Variants in ABCA8 observed in about 807,000 individuals in gnomAD.
ABCA8 encodes ATP binding cassette subfamily A member 8.
A neutral mutation model predicts 192.3 loss-of-function variants in ABCA8; 177 were observed. The ratio of observed to expected loss-of-function variants is 0.92; its 90% CI spans 0.81 to 1.04. The LOEUF (loss-of-function observed/expected upper bound fraction) is 1.04. Among genes scored for constraint, ABCA8 ranks in the 50% least tolerant of loss-of-function variants. ABCA8 has a pLI of 0.00. For missense variants in ABCA8, 1,915 were observed against 1,904.8 expected (o/e 1.01, Z -0.10); for synonymous variants, 642 against 690.2 (o/e 0.93, Z 1.09).
intron 11 of ABCA8, among the ~76,000 whole-genome samples, chr17:68,924,261 G>A (rs1459436523): frequency 2.6e-5 from 4 of 151,366 alleles, no homozygotes; most frequent in Non-Finnish European, 4.4e-5. Context: ...CAGGAGAATC[G>A]CTTGAACCTG....
At position 68,937,130 on chromosome 17, in the gene ABCA8, A is replaced by C. The variant is rs757308021; in HGVS notation, c.302-15T>G. 25 of 1,580,042 alleles carry C rather than the reference A, an allele frequency of 1.6e-5. No individual in the cohort carries two copies. The highest frequency in any genetic ancestry group is 1.9e-5 in the Non-Finnish European group (22 of 1,168,032). On this transcript the variant is annotated splice_polypyrimidine_tract_variant and intron_variant, in intron 4 of 39. Transcript: ENST00000586539. Reference sequence around the variant, plus strand: ...GACCTCTTTACCTTTTGTTACAAGAAGGAATATTATTGTTAGTAAATTACT... The same window carrying C: ...GACCTCTTTACCTTTTGTTACAAGACGGAATATTATTGTTAGTAAATTACT...
chr17:68,872,417 G>A (rs1168492399), intron 37 of ABCA8, among the ~76,000 whole-genome samples: 1 of 135,556 alleles, frequency 7.4e-6, no homozygotes, highest in Non-Finnish European at 1.6e-5. Context: ...ATCACACTCT[G>A]GGACTGTTGT....
intron 15 of ABCA8, 44 bp downstream of exon 15, chr17:68,918,383 A>AT: frequency 6.5e-7 from 1 of 1,539,428 alleles, no homozygotes; most frequent in Non-Finnish European, 8.7e-7. Flanking sequence ...CAAAAGTTCC[A>AT]TTTTTTAAAC....
At chr17:68,925,948 G>T (rs2067685816) in intron 10 of ABCA8, among the ~76,000 whole-genome samples, 1 of 152,086 alleles carries the variant, frequency 6.6e-6, no homozygotes, top group African/African-American at 2.4e-5. Flanking sequence ...TCACTTATTT[G>T]GATGAAATAA....
intron 14 of ABCA8, among the ~76,000 whole-genome samples, chr17:68,918,753 G>A (rs1220080361): frequency 6.6e-6 from 1 of 151,898 alleles, no homozygotes; most frequent in Admixed American, 6.6e-5. Context: ...CCAACATGGC[G>A]AAACCTTGTT....
intron 3 of ABCA8, among the ~76,000 whole-genome samples, chr17:68,941,391 G>A (rs2068226590): frequency 6.6e-6 from 1 of 152,082 alleles, no homozygotes; most frequent in African/African-American, 2.4e-5. Flanking sequence ...AGTTAAAAAT[G>A]CTACCTAGCT....
chr17:68,898,653 T>C (rs573800437), intron 21 of ABCA8, among the ~76,000 whole-genome samples: 1 of 152,208 alleles, frequency 6.6e-6, no homozygotes, highest in Non-Finnish European at 1.5e-5. Flanking sequence ...TGTTGAGGCG[T>C]AAAACATAGA....
At position 68,876,469 on chromosome 17, in the gene ABCA8, T is replaced by C; in HGVS notation, c.4361A>G (p.Gln1454Arg). 1 of 1,614,028 alleles carries C rather than the reference T, an allele frequency of 6.2e-7. No homozygotes were observed. The highest frequency in any genetic ancestry group is 8.5e-7 in the Non-Finnish European group (1 of 1,179,910). Residue 1454 changes from glutamine to arginine, a missense_variant, in exon 35 of 40, where the codon CAG (glutamine) becomes CGG (arginine). By Grantham distance (43) the Gln-to-Arg change is conservative (BLOSUM62 1). Coordinates refer to ENST00000586539, the MANE Select transcript of ABCA8 (RefSeq NM_001288985.2). ...TGGTAATGTTCCTCACCACATTTGCTGCTGCCCCTCGGGGTCCATCCCGGT... is the reference window on the plus strand; with the variant it reads ...TGGTAATGTTCCTCACCACATTTGCCGCTGCCCCTCGGGGTCCATCCCGGT... ...PSTGMDPEGQ[Q>R]QMWQAIRATF...
chr17:68,893,737 T>TTTTGG, intron 23 of ABCA8, among the ~76,000 whole-genome samples: 1 of 145,060 alleles, frequency 6.9e-6, no homozygotes, highest in Admixed American at 6.9e-5. Flanking sequence ...TTTTTTTTCC[T>TTTTGG]TTTCTTTTTT....
At chr17:68,949,900 C>T (rs538038738) in intron 1 of ABCA8, among the ~76,000 whole-genome samples, 1 of 152,302 alleles carries the variant, frequency 6.6e-6, no homozygotes, top group South Asian at 2.1e-4. Flanking sequence ...AGGATGCCCT[C>T]TCTCACCACT....
chr17:68,902,211 G>T (rs985639835), intron 21 of ABCA8, among the ~76,000 whole-genome samples: 1 of 152,306 alleles, frequency 6.6e-6, no homozygotes, highest in Admixed American at 6.5e-5. Context: ...TGTTGTATGA[G>T]TCCAGTGATA....
At chr17:68,923,302 C>A (rs900079143) in intron 11 of ABCA8, among the ~76,000 whole-genome samples, 4 of 151,622 alleles carry the variant, frequency 2.6e-5, no homozygotes, top group African/African-American at 9.7e-5. Context: ...TGAGTCCAAG[C>A]GATTCTTGTG....
chr17:68,936,522 T>C (rs1394273088), intron 5 of ABCA8, among the ~76,000 whole-genome samples: 1 of 152,150 alleles, frequency 6.6e-6, no homozygotes, highest in Non-Finnish European at 1.5e-5. Context: ...TCTATTCTGT[T>C]CTATTTATGT....
chr17:68,939,337 TC>T, intron 4 of ABCA8, among the ~76,000 whole-genome samples: 1 of 152,102 alleles, frequency 6.6e-6, no homozygotes. Context: ...TTGGGATACT[TC>T]CCTTCCTCTG....
In ABCA8 at chr17:68,940,918, A is replaced by G; in HGVS notation, c.141T>C (p.Tyr47=). The change falls in exon 4 of 40, where the codon TAT becomes TAC. Residue 47 remains tyrosine (Y), a synonymous_variant. Coordinates refer to ENST00000586539, the MANE Select transcript of ABCA8 (RefSeq NM_001288985.2). ...SLLLLLCLYI[Y]PHSHQVNDFS... ...AATCATTTACTTGATGACTATGAGG[A>G]TATATATACAAACAAAGTAGTAGGA... 1 of 1,612,268 alleles carries G rather than the reference A, an allele frequency of 6.2e-7. No individual in the cohort carries two copies. Among genetic ancestry groups the G allele is most frequent in the East Asian group, 2.2e-5 (1 of 44,832 alleles).
chr17:68,905,100 G>A (rs1259212863), intron 19 of ABCA8, among the ~76,000 whole-genome samples: 2 of 152,200 alleles, frequency 1.3e-5, no homozygotes, highest in African/African-American at 2.4e-5. Context: ...CAAAAGCCCA[G>A]GCACTTGCCA....
chr17:68,947,209 A>C lies in ABCA8; in HGVS notation c.-6+2103T>G, dbSNP rs934790902. Among the ~76,000 whole-genome samples the C allele has an allele frequency of 2.0e-5, 3 of 152,198 alleles. No individual in the cohort carries two copies. In the East Asian group the frequency reaches 5.8e-4, roughly 29 times the overall value. On this transcript the variant is annotated intron_variant, in intron 2 of 39. Transcript: ENST00000586539. ...TTGAGTTTTCTTCTACATGGACATT[A>C]GATATTTTCTTATGTTCTTTTGTGA...
At chr17:68,928,570 T>C (rs775198615) in intron 9 of ABCA8, among the ~76,000 whole-genome samples, 73 of 152,332 alleles carry the variant, frequency 4.8e-4, no homozygotes, top group Non-Finnish European at 9.6e-4. Flanking sequence ...CATTTCCATT[T>C]AGTTAGAGGG....
intron 25 of ABCA8, 92 bp downstream of exon 25, chr17:68,887,244 A>G (rs1386377622): frequency 8.9e-6 from 12 of 1,343,290 alleles, no homozygotes; most frequent in Non-Finnish European, 1.1e-5. Context: ...ATTTATGACC[A>G]TATAAATATT....
Sources: gnomAD v4.1 joint callset for allele counts (sites outside exome capture counted in the v4.1 genomes callset) on GRCh38, gnomAD v4.1.1 for gene constraint, MANE v1.5 for transcripts, NCBI Gene and HGNC (gene_info 2026-07-23, HGNC 2026-07-21) for gene names.